Variants in MAN1A1 observed in about 807,000 individuals in gnomAD.
MAN1A1 encodes the protein mannosyl-oligosaccharide 1,2-alpha-mannosidase IA.
A neutral mutation model predicts 70.8 loss-of-function variants in MAN1A1; 29 were observed. The observed-to-expected ratio is 0.41, with a 90% CI of 0.31 to 0.56. The LOEUF (loss-of-function observed/expected upper bound fraction) is 0.56, where lower values mean the gene tolerates loss of function less well. MAN1A1 is among the 20% of genes least tolerant of loss of function. MAN1A1 has a pLI of 0.29. For missense variants in MAN1A1, 747 were observed against 841.3 expected (o/e 0.89, Z 1.39); for synonymous variants, 349 against 330.1 (o/e 1.06, Z -0.62).
rs778864642 is a variant in MAN1A1, at chr6:119,348,778, G to A, written c.288C>T (p.Asp96=). 3.5e-6 allele frequency: 5 copies of A among 1,430,726 alleles called. No individual in the cohort carries two copies. In the African/African-American group the frequency reaches 5.9e-5, roughly 17 times the overall value. The allele number at this position is 1,430,726 out of a possible 1,614,324, so 88.6% of individuals were successfully genotyped here. Residue 96 remains aspartate, a synonymous_variant, in exon 2 of 13, where the codon GAC becomes GAT. Transcript: ENST00000368468. The stretch of plus-strand genomic sequence containing the variant: ...GGCGCCGGGCTCGCCCCTCGGCCGC[G>A]TCCTCGGCGCGCGCCCCGGGCCCGG... ...HKPGPGARAE[D]AAEGRARRRE... is the part of the protein sequence containing the mutation.
intron 5 of MAN1A1, among the ~76,000 whole-genome samples, chr6:119,265,302 T>C (rs547218267): frequency 6.6e-6 from 1 of 152,164 alleles, no homozygotes; most frequent in African/African-American, 2.4e-5. Flanking sequence ...TCTTGTTTTG[T>C]TACCCAGGCT....
At chr6:119,330,546 G>A (rs535868732) in intron 2 of MAN1A1, among the ~76,000 whole-genome samples, 184 of 152,170 alleles carry the variant, frequency 1.2e-3, no homozygotes, top group African/African-American at 4.3e-3. Flanking sequence ...TCTAACACAT[G>A]TCCTGGACTC....
chr6:119,257,930 C>CA (rs978914618), intron 5 of MAN1A1, among the ~76,000 whole-genome samples: 9 of 152,104 alleles, frequency 5.9e-5, no homozygotes, highest in Non-Finnish European at 1.3e-4. Flanking sequence ...GGCAAATCGC[C>CA]AACATGACAT....
chr6:119,188,448 G>C lies in MAN1A1; in HGVS notation c.1676C>G (p.Thr559Ser). The C allele has an allele frequency of 6.2e-7, 1 of 1,613,310 alleles. No homozygotes were observed. Among genetic ancestry groups the C allele is most frequent in the Non-Finnish European group, 8.5e-7 (1 of 1,179,666 alleles). The change falls in exon 11 of 13, where the codon ACT becomes AGT. Residue 559 changes from threonine to serine, a missense_variant. Transcript: ENST00000368468. The part of the protein sequence containing the change: ...METYMYMWRL[T>S]HDPKYRKWAW... ...CCATTTCCTGTACTTTGGATCATGAGTCAGTCTCCACATATACATGTAAGT... is the reference window on the plus strand; with the variant it reads ...CCATTTCCTGTACTTTGGATCATGACTCAGTCTCCACATATACATGTAAGT...
chr6:119,302,298 T>C (rs970820795), intron 3 of MAN1A1, among the ~76,000 whole-genome samples, 195 bp from the exon 4 acceptor site: 2 of 152,098 alleles, frequency 1.3e-5, no homozygotes, highest in African/African-American at 2.4e-5. Flanking sequence ...TCGACTGATA[T>C]ACTAATCTTT....
intron 2 of MAN1A1, among the ~76,000 whole-genome samples, chr6:119,316,300 C>T (rs1772853428): frequency 6.6e-6 from 1 of 151,158 alleles, no homozygotes; most frequent in Non-Finnish European, 1.5e-5. Flanking sequence ...GCCTCAGCCT[C>T]CTGAGCAGCT....
intron 6 of MAN1A1, among the ~76,000 whole-genome samples, chr6:119,218,341 A>T (rs1176507751): frequency 2.0e-5 from 3 of 152,010 alleles, no homozygotes; most frequent in African/African-American, 7.2e-5. Context: ...ACAATAACTT[A>T]TTTTTTCCTA....
chr6:119,210,864 A>T (rs1368774049), intron 6 of MAN1A1: 4 of 454,542 alleles, frequency 8.8e-6, no homozygotes, highest in Non-Finnish European at 1.8e-5. Context: ...TTCTCTTTCC[A>T]GTGTGGGCCA....
chr6:119,246,097 T>C (rs1279990891), intron 6 of MAN1A1, among the ~76,000 whole-genome samples: 1 of 152,208 alleles, frequency 6.6e-6, no homozygotes, highest in Non-Finnish European at 1.5e-5. Context: ...CAAAATAGTA[T>C]ATTTTGAATT....
At chr6:119,307,106 A>G in intron 2 of MAN1A1, 114 bp from the exon 3 acceptor site, 1 of 667,712 alleles carries the variant, frequency 1.5e-6, no homozygotes, top group Non-Finnish European at 2.6e-6. Context: ...AGTTAAAAGG[A>G]TGACTAAGTA....
intron 5 of MAN1A1, among the ~76,000 whole-genome samples, chr6:119,265,684 C>A (rs1005594421): frequency 6.6e-6 from 1 of 151,128 alleles, no homozygotes; most frequent in Non-Finnish European, 1.5e-5. Context: ...AATCATAATA[C>A]GGTGAGAAAT....
intron 2 of MAN1A1, among the ~76,000 whole-genome samples, chr6:119,343,926 G>A (rs1417642977): frequency 6.6e-6 from 1 of 152,130 alleles, no homozygotes; most frequent in African/African-American, 2.4e-5. Context: ...TCCCTCACAC[G>A]GATCTGCAGG....
At chr6:119,236,368 T>C (rs1562204804) in intron 6 of MAN1A1, among the ~76,000 whole-genome samples, 2 of 152,034 alleles carry the variant, frequency 1.3e-5, no homozygotes, top group Admixed American at 1.3e-4. Context: ...AGATTAACGT[T>C]TTCATGCCTG....
intron 6 of MAN1A1, among the ~76,000 whole-genome samples, chr6:119,209,224 T>C (rs891516261): frequency 6.6e-5 from 10 of 152,024 alleles, no homozygotes; most frequent in African/African-American, 2.4e-4. Context: ...ATTCTAAAAA[T>C]TGCCAGATGA....
At chr6:119,289,211 T>C (rs1020730239) in intron 5 of MAN1A1, among the ~76,000 whole-genome samples, 4 of 151,924 alleles carry the variant, frequency 2.6e-5, no homozygotes, top group African/African-American at 9.7e-5. Flanking sequence ...TTGTATGCTT[T>C]ATTATCCTAA....
chr6:119,315,762 A>T (rs960457391), intron 2 of MAN1A1, among the ~76,000 whole-genome samples: 1 of 152,238 alleles, frequency 6.6e-6, no homozygotes, highest in Non-Finnish European at 1.5e-5. Flanking sequence ...ACTATTGCTG[A>T]GAACACTTTC....
At chr6:119,332,634 T>C (rs995172619) in intron 2 of MAN1A1, among the ~76,000 whole-genome samples, 3 of 152,040 alleles carry the variant, frequency 2.0e-5, no homozygotes, top group Admixed American at 6.5e-5. Context: ...CTGGCCAACA[T>C]GGTGAAACCT....
At chr6:119,307,436 G>A (rs544735963) in intron 2 of MAN1A1, among the ~76,000 whole-genome samples, 1 of 152,224 alleles carries the variant, frequency 6.6e-6, no homozygotes, top group African/African-American at 2.4e-5. Flanking sequence ...AAATATTCAG[G>A]TTATCCCTTT....
chr6:119,295,276 T>C (rs2114427489), intron 4 of MAN1A1, among the ~76,000 whole-genome samples: 1 of 152,250 alleles, frequency 6.6e-6, no homozygotes, highest in African/African-American at 2.4e-5. Flanking sequence ...TGAAATTTGA[T>C]ATTTTTATAG....
Sources: gnomAD v4.1 joint callset for allele counts (sites outside exome capture counted in the v4.1 genomes callset) on GRCh38, gnomAD v4.1.1 for gene constraint, MANE v1.5 for transcripts, NCBI Gene and HGNC (gene_info 2026-07-23, HGNC 2026-07-21) for gene names.